Variants in PRKD1 observed in about 807,000 individuals in gnomAD.
The protein encoded by PRKD1 is protein kinase D1, also known as serine/threonine-protein kinase D1.
In PRKD1, 63 loss-of-function variants were observed where a neutral mutation model predicts 95.9. That is an observed-to-expected ratio of 0.66 (90% CI 0.54 to 0.81). PRKD1 has a LOEUF of 0.81. Ranked by LOEUF, PRKD1 falls within the 30% of genes least tolerant of loss-of-function variation. The pLI is 0.00. For synonymous variants in PRKD1, 425 were observed against 423.1 expected (o/e 1.00, Z -0.05); for missense variants, 1,048 against 1,165.3 (o/e 0.90, Z 1.47).
At chr14:29,720,735 G>A (rs1885848658) in intron 2 of PRKD1, among the ~76,000 whole-genome samples, 1 of 151,100 alleles carries the variant, frequency 6.6e-6, no homozygotes, top group Non-Finnish European at 1.5e-5. Context: ...AGCCAAGATT[G>A]AGCCACTGCA....
At chr14:29,844,337 TACTC>T (rs1170419057) in intron 1 of PRKD1, among the ~76,000 whole-genome samples, 3 of 152,154 alleles carry the variant, frequency 2.0e-5, no homozygotes, top group South Asian at 2.1e-4. Flanking sequence ...GCATAAGAAA[TACTC>T]ACTAAGTTAA....
At chr14:29,719,653 G>C (rs1885789655) in intron 2 of PRKD1, among the ~76,000 whole-genome samples, 2 of 152,152 alleles carry the variant, frequency 1.3e-5, no homozygotes, top group Non-Finnish European at 2.9e-5. Context: ...TCAAATATCT[G>C]ACTTCTCTAC....
At chr14:29,898,208 T>C (rs1047299329) in intron 1 of PRKD1, among the ~76,000 whole-genome samples, 2 of 152,140 alleles carry the variant, frequency 1.3e-5, no homozygotes, top group Non-Finnish European at 2.9e-5. Flanking sequence ...TTTTGCACAT[T>C]AAGACAAGAA....
At chr14:29,917,260 T>C (rs1351315115) in intron 1 of PRKD1, among the ~76,000 whole-genome samples, 1 of 152,234 alleles carries the variant, frequency 6.6e-6, no homozygotes, top group Non-Finnish European at 1.5e-5. Flanking sequence ...TATTATGTCA[T>C]TAATATGATG....
chr14:29,651,337 G>A (rs1017316205), intron 4 of PRKD1, among the ~76,000 whole-genome samples: 1 of 152,172 alleles, frequency 6.6e-6, no homozygotes, highest in African/African-American at 2.4e-5. Context: ...GGGCTATTTA[G>A]AGAAAGAGGC....
intron 1 of PRKD1, among the ~76,000 whole-genome samples, chr14:29,811,206 G>C (rs1430063584): frequency 6.6e-6 from 1 of 152,170 alleles, no homozygotes; most frequent in Non-Finnish European, 1.5e-5. Context: ...AACCTGCCAT[G>C]GTGTTATTTG....
At chr14:29,649,294 T>C (rs1020396421) in intron 4 of PRKD1, among the ~76,000 whole-genome samples, 6 of 152,182 alleles carry the variant, frequency 3.9e-5, no homozygotes, top group African/African-American at 1.4e-4. Flanking sequence ...GGGGGATAAA[T>C]TGGATTGTAA....
At chr14:29,766,310 T>C (rs75253365) in intron 1 of PRKD1, among the ~76,000 whole-genome samples, 3,655 of 152,264 alleles carry the variant, frequency 0.024, 112 homozygotes, top group African/African-American at 0.071. Flanking sequence ...GTCCTGACTT[T>C]TGATTCTCCT....
At chr14:29,785,279 C>CAA (rs1244350373) in intron 1 of PRKD1, among the ~76,000 whole-genome samples, 1 of 152,200 alleles carries the variant, frequency 6.6e-6, no homozygotes, top group Non-Finnish European at 1.5e-5. Context: ...TTTTGGATGA[C>CAA]AACCTCTTTG....
intron 13 of PRKD1, among the ~76,000 whole-genome samples, chr14:29,623,125 T>A (rs1210434103): frequency 6.6e-6 from 1 of 152,146 alleles, no homozygotes; most frequent in East Asian, 1.9e-4. Flanking sequence ...CCATGGTTGT[T>A]TTCTTCCCCA....
intron 4 of PRKD1, among the ~76,000 whole-genome samples, chr14:29,651,717 CCTTT>C (rs1881514224): frequency 6.6e-6 from 1 of 151,440 alleles, no homozygotes; most frequent in Admixed American, 6.6e-5. Context: ...ACATAAGTAA[CCTTT>C]TTTTCATATT....
At chr14:29,657,557 G>C in intron 4 of PRKD1, 1 of 152,170 alleles carries the variant, frequency 6.6e-6, no homozygotes, top group Non-Finnish European at 1.5e-5. Flanking sequence ...TACCAAGACT[G>C]ATTGGTTATC....
intron 1 of PRKD1, among the ~76,000 whole-genome samples, chr14:29,924,838 T>C (rs777094059): frequency 6.6e-6 from 1 of 152,148 alleles, no homozygotes; most frequent in Non-Finnish European, 1.5e-5. Flanking sequence ...CCATTCCTAC[T>C]GTCACAACAC....
At position 29,663,852 on chromosome 14, in the gene PRKD1, A is replaced by G. The variant is rs1242906399; in HGVS notation, c.543T>C (p.Gly181=). The G allele has an allele frequency of 6.2e-7, 1 of 1,613,382 alleles. No individual in the cohort carries two copies. The highest frequency in any genetic ancestry group is 8.5e-7 in the Non-Finnish European group (1 of 1,179,450). ...VRQGLKCEGC[G]LNYHKRCAFK... Reference sequence around the variant, plus strand: ...ATGCACATCTCTTATGGTAATTCAGACCACACCCTGGAAAGGGAAAATAAA... The same window carrying G: ...ATGCACATCTCTTATGGTAATTCAGGCCACACCCTGGAAAGGGAAAATAAA... Residue 181 remains glycine (G), a synonymous_variant, in exon 4 of 18, where the codon GGT becomes GGC. Coordinates refer to ENST00000331968, the MANE Select transcript of PRKD1 (RefSeq NM_002742.3).
chr14:29,879,804 C>CA (rs1168439437), intron 1 of PRKD1, among the ~76,000 whole-genome samples: 1 of 152,096 alleles, frequency 6.6e-6, no homozygotes, highest in Non-Finnish European at 1.5e-5. Context: ...GGAACTGGAG[C>CA]AAAGGTGACT....
chr14:29,741,616 C>T (rs1953729), intron 1 of PRKD1, among the ~76,000 whole-genome samples: 26,884 of 151,912 alleles, frequency 0.18, 2,631 homozygotes, highest in South Asian at 0.26. Flanking sequence ...AGATAAGGAA[C>T]GACACAGACA....
chr14:29,763,915 A>T (rs760013862), intron 1 of PRKD1, among the ~76,000 whole-genome samples: 177 of 152,326 alleles, frequency 1.2e-3, no homozygotes, highest in Non-Finnish European at 1.9e-3. Flanking sequence ...CAATCCTGGC[A>T]GCCTAAATTA....
intron 1 of PRKD1, among the ~76,000 whole-genome samples, chr14:29,917,518 T>C (rs953213315): frequency 1.1e-4 from 17 of 152,218 alleles, no homozygotes; most frequent in Admixed American, 9.2e-4. Context: ...TAATGATACA[T>C]GGATTTCATA....
intron 1 of PRKD1, among the ~76,000 whole-genome samples, chr14:29,907,837 G>T (rs190582716): frequency 1.7e-4 from 26 of 152,228 alleles, no homozygotes; most frequent in Non-Finnish European, 2.2e-4. Flanking sequence ...TACTACTAAG[G>T]AATTGTTTTA....
Sources: allele counts gnomAD v4.1 joint callset (sites outside exome capture counted in the v4.1 genomes callset), GRCh38; gene constraint gnomAD v4.1.1; transcripts MANE v1.5; gene names NCBI Gene and HGNC (gene_info 2026-07-23, HGNC 2026-07-21).